FAM163A: variants seen among roughly 807,000 people sequenced by gnomAD.
FAM163A encodes protein FAM163A.
FAM163A carries 7 observed loss-of-function variants against 12.0 expected under a neutral mutation model. The observed-to-expected ratio is 0.58, with a 90% confidence interval of 0.33 to 1.10. The LOEUF (loss-of-function observed/expected upper bound fraction) is 1.10, where lower values mean the gene tolerates loss of function less well. Among genes scored for constraint, FAM163A ranks in the 50% least tolerant of loss-of-function variants. The probability of loss-of-function intolerance (pLI) is 0.03; values close to 1 mark genes in which losing one functional copy is unlikely to be tolerated. For missense variants in FAM163A, 202 were observed against 218.6 expected (o/e 0.92, Z 0.48); for synonymous variants, 101 against 91.0 (o/e 1.11, Z -0.62).
chr1:179,772,044 C>T (rs1688358270), intron 1 of FAM163A, among the ~76,000 whole-genome samples: 1 of 152,192 alleles, frequency 6.6e-6, no homozygotes, highest in Non-Finnish European at 1.5e-5. Context: ...GCTCCCAGGT[C>T]ACAGTCTCTA....
chr1:179,780,013 T>C (rs1689503504), intron 1 of FAM163A, among the ~76,000 whole-genome samples: 6 of 152,244 alleles, frequency 3.9e-5, no homozygotes, highest in Admixed American at 3.9e-4. Context: ...GATTGCATGC[T>C]CTGAAGAATG....
chr1:179,737,564 G>A, the FAM163A span, among the ~76,000 whole-genome samples: 3 of 152,138 alleles, frequency 2.0e-5, no homozygotes, highest in African/African-American at 7.2e-5. Context: ...AGCTGGGCGC[G>A]GTGGCTCACA....
At chr1:179,768,079 A>G (rs1687750566) in intron 1 of FAM163A, among the ~76,000 whole-genome samples, 1 of 152,198 alleles carries the variant, frequency 6.6e-6, no homozygotes, top group African/African-American at 2.4e-5. Context: ...GATACGTCAT[A>G]TGAGTGGAAT....
Position 179,759,789 on chromosome 1 carries a change from C to G in FAM163A, c.-136+16366C>G, listed in dbSNP as rs560302491. 9.3e-4 allele frequency among the ~76,000 whole-genome samples: 142 copies of G among 152,230 alleles called. 1 individual carries two copies. Among genetic ancestry groups the G allele is most frequent in the African/African-American group, 3.3e-3 (139 of 41,536 alleles). ...TCAAGTGATTCTCCTGCCTCAGCCT[C>G]CCGAGTAGCTGGAATTACAGGCACG... On this transcript the variant is annotated intron_variant, in intron 1 of 4. Transcript: ENST00000341785.
At chr1:179,770,700 T>G (rs1017113684) in intron 1 of FAM163A, among the ~76,000 whole-genome samples, 4 of 152,080 alleles carry the variant, frequency 2.6e-5, no homozygotes, top group African/African-American at 7.2e-5. Context: ...CTGGATGACT[T>G]GCGCACCCCA....
rs1011630787 is a variant in FAM163A at position 179,815,836 on chromosome 1, A to G, written c.*1647A>G. On this transcript the variant is annotated 3_prime_UTR_variant, in exon 5 of 5. Transcript: ENST00000341785. ...CGGGGAGGGAGGAAGAGGGGAATGC[A>G]CATCTTTTGCGCCACTATTAAGGCA... is the stretch of plus-strand genomic sequence containing the variant. The G allele has an allele frequency of 3.3e-5, 5 of 152,246 alleles. No individual in the cohort carries two copies. Among genetic ancestry groups the G allele is most frequent in the Non-Finnish European group, 5.9e-5 (4 of 68,058 alleles). 9.4% of individuals were successfully genotyped at this position (152,246 alleles called of 1,614,324 possible).
chr1:179,808,906 G>C (rs1007880295), intron 2 of FAM163A, among the ~76,000 whole-genome samples: 2 of 152,148 alleles, frequency 1.3e-5, no homozygotes, highest in African/African-American at 4.8e-5. Context: ...AAATCATAGA[G>C]AGCCACTGAA....
Position 179,806,587 on chromosome 1 carries a change from G to T in FAM163A, c.-135-1211G>T, listed in dbSNP as rs560073544. Among the ~76,000 whole-genome samples the T allele has an allele frequency of 3.3e-5, 5 of 152,354 alleles. No homozygotes were observed. In the East Asian group the frequency reaches 9.7e-4, roughly 29 times the overall value. The stretch of plus-strand genomic sequence containing the variant: ...TTTGACCTCCAGTTTCTGGCCGAGG[G>T]TGAGAACCTGGAGGTGGTTAGCCCT... On this transcript the variant is annotated intron_variant, in intron 1 of 4. Coordinates refer to ENST00000341785, the MANE Select transcript of FAM163A (RefSeq NM_173509.3).
chr1:179,792,366 A>T (rs1272178771), intron 1 of FAM163A, among the ~76,000 whole-genome samples: 1 of 150,418 alleles, frequency 6.6e-6, no homozygotes. Flanking sequence ...CTGATCTCAA[A>T]CTCCTGTGCT....
Position 179,815,114 on chromosome 1 carries a change from G to GACAC in FAM163A, c.*959_*962dup, listed in dbSNP as rs5779040. The GACAC allele has an allele frequency of 1.3e-3, 170 of 129,966 alleles. 1 individual carries two copies. Among genetic ancestry groups the GACAC allele is most frequent in the Admixed American group, 3.3e-3 (47 of 14,080 alleles). 8.1% of individuals were successfully genotyped at this position (129,966 alleles called of 1,614,324 possible). A position where few individuals can be genotyped will look rare whatever the true frequency, so the allele number is the denominator to read the frequency against. On this transcript the variant is annotated 3_prime_UTR_variant, in exon 5 of 5. Coordinates refer to ENST00000341785, the MANE Select transcript of FAM163A (RefSeq NM_173509.3). ...GTACGCACGCGCGCGCGCGCGCACA[G>GACAC]ACACACACACACACACACACACACA...
intron 1 of FAM163A, among the ~76,000 whole-genome samples, chr1:179,751,752 T>C (rs1319986362): frequency 6.6e-6 from 1 of 152,168 alleles, no homozygotes; most frequent in East Asian, 1.9e-4. Flanking sequence ...TACTCAATGA[T>C]GAAAAACTGA....
chr1:179,767,353 G>A (rs1219950241), intron 1 of FAM163A, among the ~76,000 whole-genome samples: 1 of 152,096 alleles, frequency 6.6e-6, no homozygotes. Context: ...TCTGCAGACC[G>A]AGTGCCCTGG....
chr1:179,765,312 A>G (rs1199133376), intron 1 of FAM163A, among the ~76,000 whole-genome samples: 1 of 152,196 alleles, frequency 6.6e-6, no homozygotes, highest in African/African-American at 2.4e-5. Context: ...TTAAATGTGG[A>G]TTCTGATTCA....
intron 3 of FAM163A, 135 bp from the exon 4 acceptor site, chr1:179,812,941 G>C (rs1370494769): frequency 2.6e-6 from 2 of 756,626 alleles, no homozygotes; most frequent in Admixed American, 2.5e-5. Context: ...GGAAACCCCT[G>C]GGGCCTGGCC....
the FAM163A span, chr1:179,730,466 A>C: frequency 6.6e-6 from 1 of 152,202 alleles, no homozygotes; most frequent in Non-Finnish European, 1.5e-5. Context: ...ACTGGCAGTA[A>C]GTTTCTTGGA....
At chr1:179,797,613 G>T (rs1692521622) in intron 1 of FAM163A, among the ~76,000 whole-genome samples, 1 of 151,952 alleles carries the variant, frequency 6.6e-6, no homozygotes, top group Non-Finnish European at 1.5e-5. Flanking sequence ...AGTATGTGAG[G>T]TCATGCATAT....
rs5779040 is a variant in FAM163A, at chr1:179,815,114, GACACACACACACACACACAC to G, written c.*943_*962del. ...GTACGCACGCGCGCGCGCGCGCACA[GACACACACACACACACACAC>G]ACACACACACACACACAGTAACCAC... On this transcript the variant is annotated 3_prime_UTR_variant, in exon 5 of 5. Coordinates refer to ENST00000341785, the MANE Select transcript of FAM163A (RefSeq NM_173509.3). 3 of 129,872 alleles carry G rather than the reference GACACACACACACACACACAC, an allele frequency of 2.3e-5. No individual in the cohort carries two copies. The highest frequency in any genetic ancestry group is 7.1e-5 in the Admixed American group (1 of 14,060). The allele number at this position is 129,872 out of a possible 1,614,324, so 8.0% of individuals were successfully genotyped here.
intron 1 of FAM163A, among the ~76,000 whole-genome samples, chr1:179,766,765 TC>T (rs142602081): frequency 0.012 from 1,834 of 149,376 alleles, 53 homozygotes; most frequent in African/African-American, 0.042. Context: ...TTTTTTTTTT[TC>T]GGTTTGGAGA....
upstream of FAM163A, chr1:179,742,715 G>A (rs892183194): frequency 3.3e-5 from 5 of 152,368 alleles, no homozygotes; most frequent in African/African-American, 1.2e-4. Context: ...CACCATTCAG[G>A]TTTCTCCTCG....
Sources: gnomAD v4.1 joint callset for allele counts (sites outside exome capture counted in the v4.1 genomes callset) on GRCh38, gnomAD v4.1.1 for gene constraint, MANE v1.5 for transcripts, NCBI Gene and HGNC (gene_info 2026-07-23, HGNC 2026-07-21) for gene names.